GLIS3: variants seen among roughly 807,000 people sequenced by gnomAD.
GLIS3 encodes GLIS family zinc finger 3, also known as zinc finger protein GLIS3.
A neutral mutation model predicts 78.6 loss-of-function variants in GLIS3; 53 were observed. The ratio of observed to expected loss-of-function variants is 0.67; its 90% confidence interval spans 0.54 to 0.85. The LOEUF is 0.85. Among genes scored for constraint, GLIS3 ranks in the 40% least tolerant of loss-of-function variants. GLIS3 has a pLI of 0.00. For missense variants in GLIS3, 1,703 were observed against 1,231.1 expected (o/e 1.38, Z -5.74); for synonymous variants, 684 against 509.9 (o/e 1.34, Z -4.60).
intron 6 of GLIS3, among the ~76,000 whole-genome samples, chr9:3,899,525 A>C (rs1413054108): frequency 6.8e-6 from 1 of 146,562 alleles, no homozygotes; most frequent in Non-Finnish European, 1.5e-5. Context: ...ATTGAAATGG[A>C]AAAAAAAAAC....
chr9:3,963,640 C>G (rs1004941775), intron 4 of GLIS3, among the ~76,000 whole-genome samples: 17 of 152,168 alleles, frequency 1.1e-4, no homozygotes, highest in African/African-American at 3.6e-4. Context: ...TCCTCTTTGA[C>G]TCTCAAAGCA....
At chr9:4,011,468 G>A (rs577681277) in intron 4 of GLIS3, among the ~76,000 whole-genome samples, 58 of 152,162 alleles carry the variant, frequency 3.8e-4, no homozygotes, top group Non-Finnish European at 7.3e-4. Flanking sequence ...TATTAGCAAG[G>A]CCTTGGGGAA....
chr9:4,120,285 C>A (rs1472520376), intron 3 of GLIS3, among the ~76,000 whole-genome samples: 1 of 152,180 alleles, frequency 6.6e-6, no homozygotes, highest in Non-Finnish European at 1.5e-5. Flanking sequence ...CCAAAATGCA[C>A]AGTACAAGGT....
the GLIS3 span, among the ~76,000 whole-genome samples, chr9:4,479,631 T>G: frequency 3.3e-5 from 5 of 152,086 alleles, no homozygotes; most frequent in Non-Finnish European, 7.4e-5. Flanking sequence ...CAAGGGTGGT[T>G]AGGAAATGAA....
At chr9:3,897,559 C>CTCATCTCCCTGTCCTTCTTT (rs1563825312) in intron 7 of GLIS3, among the ~76,000 whole-genome samples, 3 of 151,960 alleles carry the variant, frequency 2.0e-5, no homozygotes, top group Non-Finnish European at 4.4e-5. Context: ...AACCCTTCTT[C>CTCATCTCCCTGTCCTTCTTT]GTCTCATCTC....
intron 8 of GLIS3, among the ~76,000 whole-genome samples, 185 bp downstream of exon 8, chr9:3,879,242 A>G (rs1311792776): frequency 1.3e-5 from 2 of 152,222 alleles, no homozygotes; most frequent in Non-Finnish European, 2.9e-5. Context: ...TTTCCCGTGG[A>G]AAAATGAAAC....
chr9:4,273,231 A>G (rs758528784), intron 2 of GLIS3, among the ~76,000 whole-genome samples: 5 of 152,198 alleles, frequency 3.3e-5, no homozygotes, highest in Non-Finnish European at 7.3e-5. Flanking sequence ...ATAGAGATCT[A>G]TACTACCTCA....
chr9:4,004,244 A>G (rs1432495220), intron 4 of GLIS3, among the ~76,000 whole-genome samples: 2 of 152,212 alleles, frequency 1.3e-5, no homozygotes, highest in African/African-American at 4.8e-5. Context: ...CAGTTGACTG[A>G]TTGATGACCA....
intron 2 of GLIS3, among the ~76,000 whole-genome samples, chr9:4,176,007 G>A (rs1204621014): frequency 6.6e-6 from 1 of 152,134 alleles, no homozygotes; most frequent in African/African-American, 2.4e-5. Flanking sequence ...GATGAGTCCT[G>A]ATTGAGCTCC....
In GLIS3 at chr9:4,050,244, A is replaced by AC. The variant is rs1196017608; in HGVS notation, c.1710+67523dup. On this transcript the variant is annotated intron_variant, in intron 4 of 10. Coordinates refer to ENST00000381971, the MANE Select transcript of GLIS3 (RefSeq NM_001042413.2). ...TGGATTAAGAAAATGTGGCACATAT[A>AC]CCCCATGGAATACTATGCAGCCACA... Among the ~76,000 whole-genome samples, 8 of 152,316 alleles carry AC rather than the reference A, an allele frequency of 5.3e-5. No homozygotes were observed. In the East Asian group the frequency reaches 7.7e-4, roughly 15 times the overall value.
chr9:4,138,697 C>T (rs140220373), intron 2 of GLIS3, among the ~76,000 whole-genome samples: 156 of 152,292 alleles, frequency 1.0e-3, no homozygotes, highest in African/African-American at 3.2e-3. Context: ...GCTCTCTGTG[C>T]CTCTATTTCC....
intron 2 of GLIS3, among the ~76,000 whole-genome samples, chr9:4,328,691 T>C (rs1817638521): frequency 1.3e-5 from 2 of 152,362 alleles, no homozygotes; most frequent in Admixed American, 1.3e-4. Flanking sequence ...CTATAGCTTG[T>C]GACCTTGGGT....
the GLIS3 span, among the ~76,000 whole-genome samples, chr9:4,454,378 C>A: frequency 6.6e-6 from 1 of 152,138 alleles, no homozygotes; most frequent in East Asian, 1.9e-4. Flanking sequence ...TCAGATCGAA[C>A]AAGAAAATGT....
At chr9:4,243,886 G>T (rs1408887686) in intron 2 of GLIS3, among the ~76,000 whole-genome samples, 1 of 152,186 alleles carries the variant, frequency 6.6e-6, no homozygotes, top group Non-Finnish European at 1.5e-5. Flanking sequence ...CCTTCATGAG[G>T]TGGAGCTTAG....
chr9:3,851,521 T>C (rs535376354), intron 9 of GLIS3, among the ~76,000 whole-genome samples: 156 of 152,362 alleles, frequency 1.0e-3, no homozygotes, highest in Admixed American at 4.0e-3. Flanking sequence ...GCTCTGGTCC[T>C]GGGTCATTCA....
In GLIS3 at chr9:4,299,464, C is replaced by T. The variant is rs1461762347; in HGVS notation, c.-142G>A. On this transcript the variant is annotated 5_prime_UTR_variant, in exon 1 of 11. Transcript: ENST00000381971. Reference sequence around the variant, plus strand: ...ACAACAAAGCCCGGCGTGCGGGTCCCTTCCCCCGGCCGGCCAGCGCGAGTG... The same window carrying T: ...ACAACAAAGCCCGGCGTGCGGGTCCTTTCCCCCGGCCGGCCAGCGCGAGTG... 2 of 152,550 alleles carry T rather than the reference C, an allele frequency of 1.3e-5. No homozygotes were observed. Among genetic ancestry groups the T allele is most frequent in the African/African-American group, 4.8e-5 (2 of 41,480 alleles). The allele number at this position is 152,550 out of a possible 1,614,324, so 9.4% of individuals were successfully genotyped here.
rs570695383 is a variant in GLIS3, at chr9:4,134,001, G to C, written c.389-8060C>G. 3.3e-5 allele frequency among the ~76,000 whole-genome samples: 5 copies of C among 152,168 alleles called. No individual in the cohort carries two copies. In the South Asian group the frequency reaches 1.0e-3, roughly 32 times the overall value. On this transcript the variant is annotated intron_variant, in intron 2 of 10. Coordinates refer to ENST00000381971, the MANE Select transcript of GLIS3 (RefSeq NM_001042413.2). ...GATTACTTCGAACTAAGGTGTCAGG[G>C]ACTAGCAAAATACCTCAAGAACATT...
At chr9:4,199,574 A>G (rs996208668) in intron 2 of GLIS3, among the ~76,000 whole-genome samples, 1 of 151,662 alleles carries the variant, frequency 6.6e-6, no homozygotes, top group African/African-American at 2.4e-5. Flanking sequence ...TACATAAAAA[A>G]AAAAGTGGGG....
chr9:3,987,361 T>C (rs1363719087), intron 4 of GLIS3, among the ~76,000 whole-genome samples: 2 of 151,974 alleles, frequency 1.3e-5, no homozygotes, highest in African/African-American at 4.8e-5. Flanking sequence ...ATTTGTATCA[T>C]CAGAGTTCCA....
Sources: gnomAD v4.1 joint callset for allele counts (sites outside exome capture counted in the v4.1 genomes callset) on GRCh38, gnomAD v4.1.1 for gene constraint, MANE v1.5 for transcripts, NCBI Gene and HGNC (gene_info 2026-07-23, HGNC 2026-07-21) for gene names.